PDK1: variants seen among roughly 807,000 people sequenced by gnomAD.
PDK1 encodes the protein pyruvate dehydrogenase kinase 1.
A neutral mutation model predicts 54.2 loss-of-function variants in PDK1; 39 were observed. The observed-to-expected ratio is 0.72, with a 90% CI of 0.56 to 0.94. PDK1 has a LOEUF of 0.94. Ranked by LOEUF, PDK1 falls within the 40% of genes least tolerant of loss-of-function variation. The pLI is 0.00. For missense variants in PDK1, 552 were observed against 566.0 expected (o/e 0.98, Z 0.25); for synonymous variants, 221 against 207.1 (o/e 1.07, Z -0.58).
intron 6 of PDK1, among the ~76,000 whole-genome samples, chr2:172,567,446 G>A (rs1254162146): frequency 6.6e-6 from 1 of 152,216 alleles, no homozygotes; most frequent in East Asian, 1.9e-4. Flanking sequence ...CTTGAAGAGG[G>A]ATTGATGAGT....
At chr2:172,568,936 CAT>C in intron 7 of PDK1, 119 bp downstream of exon 7, 1 of 662,096 alleles carries the variant, frequency 1.5e-6, no homozygotes. Context: ...ACATCAGTAT[CAT>C]ATCACATTGC....
the PDK1 span, among the ~76,000 whole-genome samples, chr2:172,697,704 T>C: frequency 6.6e-6 from 1 of 152,196 alleles, no homozygotes; most frequent in Non-Finnish European, 1.5e-5. Flanking sequence ...AATAAATATG[T>C]GTAATATTTC....
intron 3 of PDK1, chr2:172,564,244 GT>G: frequency 3.9e-6 from 2 of 512,660 alleles, no homozygotes; most frequent in South Asian, 4.2e-5. Context: ...TTTGGATTAC[GT>G]TTTGTGGCAG....
At chr2:172,556,372 CT>C (rs1671750072) in intron 1 of PDK1, 26 bp downstream of exon 1, 8 of 1,392,524 alleles carry the variant, frequency 5.7e-6, no homozygotes, top group East Asian at 2.8e-5. Context: ...GACCTTGGGC[CT>C]TTTTGCGCGG....
the PDK1 span, among the ~76,000 whole-genome samples, chr2:172,719,314 C>A: frequency 2.0e-5 from 3 of 152,056 alleles, no homozygotes; most frequent in South Asian, 6.2e-4. Flanking sequence ...GTTTTTATTT[C>A]TCTTTGGTAA....
At chr2:172,621,695 A>C in the PDK1 span, among the ~76,000 whole-genome samples, 1 of 146,958 alleles carries the variant, frequency 6.8e-6, no homozygotes, top group Non-Finnish European at 1.5e-5. Flanking sequence ...TATATCATAT[A>C]TATGTTTATA....
Position 172,570,733 on chromosome 2 carries a change from T to C in PDK1, c.854T>C (p.Met285Thr). The C allele has an allele frequency of 6.3e-7, 1 of 1,591,098 alleles. No homozygotes were observed. The highest frequency in any genetic ancestry group is 8.6e-7 in the Non-Finnish European group (1 of 1,161,518). ...AACCCTAATGTATTTCAGAATGCAA[T>C]GAGAGCCACTATGGAACACCATGCC... The part of the protein sequence containing the change: ...HMVFELFKNA[M>T]RATMEHHANR... Residue 285 changes from methionine to threonine, a missense_variant, in exon 8 of 11, where the codon ATG becomes ACG. Met to Thr is a moderately conservative substitution (Grantham distance 81). Transcript: ENST00000282077.
chr2:172,635,609 C>T, the PDK1 span, among the ~76,000 whole-genome samples: 2,838 of 152,274 alleles, frequency 0.019, 92 homozygotes, highest in African/African-American at 0.065. Flanking sequence ...AGCCACCGCA[C>T]CCTGTATTAA....
the PDK1 span, among the ~76,000 whole-genome samples, chr2:172,716,558 CAG>C: frequency 8.4e-3 from 1,271 of 152,196 alleles, 7 homozygotes; most frequent in Non-Finnish European, 0.013. Flanking sequence ...CTCCTGACCT[CAG>C]GGGATCCGCC....
In PDK1 at chr2:172,586,398, C is replaced by G. The variant is rs750293930; in HGVS notation, c.1056+10C>G. The G allele has an allele frequency of 7.3e-6, 11 of 1,511,440 alleles. No homozygotes were observed. Among genetic ancestry groups the G allele is most frequent in the Non-Finnish European group, 1.0e-5 (11 of 1,087,106 alleles). 93.6% of individuals were successfully genotyped at this position (1,511,440 alleles called of 1,614,324 possible). On this transcript the variant is annotated intron_variant, in intron 9 of 10. Transcript: ENST00000282077. ...CCGCGCAGTGCCTCTGGTATGTTAT[C>G]AAGAAATAATGAAGTGTGTTTCTGT...
chr2:172,639,417 A>C, the PDK1 span, among the ~76,000 whole-genome samples: 1 of 152,280 alleles, frequency 6.6e-6, no homozygotes, highest in South Asian at 2.1e-4. Context: ...CTAGGTTCCC[A>C]TGTGTCTTAG....
the PDK1 span, among the ~76,000 whole-genome samples, chr2:172,711,865 C>CAAAAAAAA: frequency 9.7e-4 from 22 of 22,784 alleles, 2 homozygotes; most frequent in East Asian, 0.017. Flanking sequence ...GAACCTAGCT[C>CAAAAAAAA]AAAAAAAAAA....
rs1378977061 is a variant in PDK1, at chr2:172,605,097, T to C, written c.*9128T>C. ...GGAGGCACAGGGCTTGGTTGGCCCA[T>C]TTAGTTAGTGACACACCTATATTAC... On this transcript the variant is annotated 3_prime_UTR_variant, in exon 11 of 11. Coordinates refer to ENST00000282077, the MANE Select transcript of PDK1 (RefSeq NM_002610.5). 1 of 152,154 alleles carries C rather than the reference T, an allele frequency of 6.6e-6. No homozygotes were observed. The highest frequency in any genetic ancestry group is 2.1e-4 in the South Asian group (1 of 4,832). 9.4% of individuals were successfully genotyped at this position (152,154 alleles called of 1,614,324 possible).
chr2:172,617,300 A>G, the PDK1 span, among the ~76,000 whole-genome samples: 1 of 152,126 alleles, frequency 6.6e-6, no homozygotes, highest in African/African-American at 2.4e-5. Flanking sequence ...AATCGATAAA[A>G]TTATTAAATA....
the PDK1 span, among the ~76,000 whole-genome samples, chr2:172,632,296 C>A: frequency 2.0e-5 from 3 of 152,020 alleles, no homozygotes; most frequent in African/African-American, 7.2e-5. Context: ...AAAAAACCTT[C>A]CCTTGGAATT....
the PDK1 span, among the ~76,000 whole-genome samples, chr2:172,692,132 G>C: frequency 1.1e-3 from 161 of 152,308 alleles, no homozygotes; most frequent in Non-Finnish European, 2.0e-3. Context: ...AACCTTTGGT[G>C]CAGTGGAGAG....
chr2:172,557,462 T>C (rs1688396408), intron 1 of PDK1, among the ~76,000 whole-genome samples: 1 of 152,180 alleles, frequency 6.6e-6, no homozygotes, highest in Non-Finnish European at 1.5e-5. Flanking sequence ...TAGGGAGTGA[T>C]ATGGGATCCT....
At chr2:172,668,928 GAGA>G in the PDK1 span, among the ~76,000 whole-genome samples, 19 of 146,482 alleles carry the variant, frequency 1.3e-4, no homozygotes, top group Admixed American at 1.2e-3. Flanking sequence ...GAGAGAGAGA[GAGA>G]GAGAGAGAAA....
At chr2:172,566,304 CA>C (rs1688937169) in intron 5 of PDK1, among the ~76,000 whole-genome samples, 1 of 152,154 alleles carries the variant, frequency 6.6e-6, no homozygotes, top group Admixed American at 6.5e-5. Context: ...CCTATAATCC[CA>C]GCACTTTGGA....
Sources: gnomAD v4.1 joint callset for allele counts (sites outside exome capture counted in the v4.1 genomes callset) on GRCh38, gnomAD v4.1.1 for gene constraint, MANE v1.5 for transcripts, NCBI Gene and HGNC (gene_info 2026-07-23, HGNC 2026-07-21) for gene names.